CCDC124: variants seen among roughly 807,000 people sequenced by gnomAD.
The protein encoded by CCDC124 is coiled-coil domain containing 124, also known as coiled-coil domain-containing protein 124.
Under a neutral mutation model 19.8 loss-of-function variants are expected in CCDC124, and 9 were observed. The ratio of observed to expected loss-of-function variants is 0.45; its 90% CI spans 0.27 to 0.79. CCDC124 has a LOEUF of 0.79. Among genes scored for constraint, CCDC124 ranks in the 30% least tolerant of loss-of-function variants. The pLI is 0.14. For missense variants in CCDC124, 285 were observed against 319.0 expected, an observed-to-expected ratio of 0.89 and a Z score of 0.81; for synonymous variants, 126 against 131.3, an observed-to-expected ratio of 0.96 and a Z score of 0.27.
Position 17,942,427 on chromosome 19 carries a change from G to A in CCDC124, c.160-229G>A, listed in dbSNP as rs940229235. Among the ~76,000 whole-genome samples the A allele has an allele frequency of 2.6e-5, 4 of 152,294 alleles. No homozygotes were observed. In the East Asian group the frequency reaches 5.8e-4, roughly 22 times the overall value. ...CCTTGGCCGGCGCTCTTCGCACCTAGGAGCGTCACTTCTTCAAGAGCCACC... is the reference window on the plus strand; with the variant it reads ...CCTTGGCCGGCGCTCTTCGCACCTAAGAGCGTCACTTCTTCAAGAGCCACC... On this transcript the variant is annotated intron_variant, in intron 2 of 4. Coordinates refer to ENST00000445755, the MANE Select transcript of CCDC124 (RefSeq NM_001136203.2). The surrounding 1 kb of genome is among the most constrained non-coding windows in gnomAD (Gnocchi z 4.2).
At position 17,936,420 on chromosome 19, in the gene CCDC124, G is replaced by A; in HGVS notation, c.-1G>A. 6.2e-7 allele frequency: 1 copy of A among 1,610,120 alleles called. No individual in the cohort carries two copies. Among genetic ancestry groups the A allele is most frequent in the Non-Finnish European group, 8.5e-7 (1 of 1,177,180 alleles). On this transcript the variant is annotated 5_prime_UTR_variant, in exon 2 of 5. Transcript: ENST00000445755. Reference sequence around the variant, plus strand: ...ATCCTCTTCCCGCAGCCTGCTGAGGGATGCCCAAGAAGTTCCAGGGTGAGA... The same window carrying A: ...ATCCTCTTCCCGCAGCCTGCTGAGGAATGCCCAAGAAGTTCCAGGGTGAGA...
Position 17,943,241 on chromosome 19 carries a change from T to TCGGGGCGC in CCDC124, c.350-19_350-18insGGGGCGCC. 1.4e-6 allele frequency: 1 copy of TCGGGGCGC among 736,678 alleles called. No homozygotes were observed. The highest frequency in any genetic ancestry group is 2.4e-6 in the Non-Finnish European group (1 of 414,970). 45.6% of individuals were successfully genotyped at this position (736,678 alleles called of 1,614,324 possible). ...CTTTGCTTATCTCTCTCTGTCTCTG[T>TCGGGGCGC]CACCCACCCACCCGCCCAGCCGAGA... is the stretch of plus-strand genomic sequence containing the variant. On this transcript the variant is annotated intron_variant, in intron 3 of 4. Transcript: ENST00000445755.
rs779625217 is a variant in CCDC124 at position 17,943,724 on chromosome 19, C to T, written c.*9C>T. On this transcript the variant is annotated 3_prime_UTR_variant, in exon 5 of 5. Transcript: ENST00000445755. Reference sequence around the variant, plus strand: ...TCAATGCCCCCAAGTGAGCCCAGAACTTGGGGAGCCAGTTCACCCACGGGT... The same window carrying T: ...TCAATGCCCCCAAGTGAGCCCAGAATTTGGGGAGCCAGTTCACCCACGGGT... 5.0e-6 allele frequency: 8 copies of T among 1,611,058 alleles called. No individual in the cohort carries two copies. The East Asian group carries it at 1.8e-4, about 36-fold the overall frequency.
intron 2 of CCDC124, among the ~76,000 whole-genome samples, chr19:17,939,942 A>T (rs1568438720): frequency 1.2e-5 from 1 of 85,144 alleles, no homozygotes; most frequent in Non-Finnish European, 2.3e-5. Context: ...TTTTTTTTAG[A>T]CAGTCTCTGT....
At position 17,943,933 on chromosome 19, in the gene CCDC124, G is replaced by A. The variant is rs2031252473; in HGVS notation, c.*218G>A. ...TCCCATCCCCCGGCGCGTGTGTGTA[G>A]AGCCTCAGGGCTGAGTGCCCAATAA... On this transcript the variant is annotated 3_prime_UTR_variant, in exon 5 of 5. Coordinates refer to ENST00000445755, the MANE Select transcript of CCDC124 (RefSeq NM_001136203.2). 3.4e-6 allele frequency: 2 copies of A among 593,256 alleles called. No homozygotes were observed. Among genetic ancestry groups the A allele is most frequent in the Admixed American group, 5.9e-5 (2 of 33,620 alleles). 36.7% of individuals were successfully genotyped at this position (593,256 alleles called of 1,614,324 possible). A position where few individuals can be genotyped will look rare whatever the true frequency, so the allele number is the denominator to read the frequency against.
chr19:17,942,809 C>T lies in CCDC124; in HGVS notation c.313C>T (p.Arg105Cys). The T allele has an allele frequency of 1.3e-6, 2 of 1,536,844 alleles. No individual in the cohort carries two copies. The highest frequency in any genetic ancestry group is 1.8e-6 in the Non-Finnish European group (2 of 1,141,692). The change falls in exon 3 of 5, where the codon CGC becomes TGC. Residue 105 changes from arginine (R) to cysteine (C), a missense_variant. Arg to Cys is a radical substitution (Grantham distance 180, BLOSUM62 -3). Coordinates refer to ENST00000445755, the MANE Select transcript of CCDC124 (RefSeq NM_001136203.2). This position sits in a 1 kb window ranked among gnomAD's most constrained non-coding sequence, Gnocchi z 4.2. ...VTRAQIEDTL[R>C]RDHQLREAPD... ...CCGGGCCCAGATCGAGGACACGCTG[C>T]GCCGAGACCATCAGCTCAGGGAGGC... is the stretch of plus-strand genomic sequence containing the variant.
chr19:17,934,687 G>T (rs1313716395), intron 1 of CCDC124, among the ~76,000 whole-genome samples: 5 of 150,920 alleles, frequency 3.3e-5, no homozygotes. Flanking sequence ...GGAGGCTCAG[G>T]TGGGAGGATC....
intron 1 of CCDC124, among the ~76,000 whole-genome samples, chr19:17,935,344 G>A (rs935103120): frequency 6.6e-6 from 1 of 152,122 alleles, no homozygotes; most frequent in African/African-American, 2.4e-5. Flanking sequence ...GGCCTCTTTT[G>A]GGGGGTGCAA....
In CCDC124 at chr19:17,943,734, C is replaced by G. The variant is rs369304219; in HGVS notation, c.*19C>G. On this transcript the variant is annotated 3_prime_UTR_variant, in exon 5 of 5. Coordinates refer to ENST00000445755, the MANE Select transcript of CCDC124 (RefSeq NM_001136203.2). ...CAAGTGAGCCCAGAACTTGGGGAGC[C>G]AGTTCACCCACGGGTGGTCCAGGTC... 8.7e-6 allele frequency: 14 copies of G among 1,608,494 alleles called. No individual in the cohort carries two copies. The highest frequency in any genetic ancestry group is 1.2e-5 in the Non-Finnish European group (14 of 1,177,396).
rs758572228 is a variant in CCDC124, at chr19:17,943,352, C to G, written c.441C>G (p.Ile147Met). Residue 147 changes from isoleucine (I) to methionine (M), a missense_variant, in exon 4 of 5, where the codon ATC becomes ATG. Transcript: ENST00000445755. ...AGGGCAGCGTGGAGGCGCGCACCAT[C>G]GAGGACGCCATTGCAGTGCTCAGGT... ...LEEGSVEART[I>M]EDAIAVLSVA... 6.3e-7 allele frequency: 1 copy of G among 1,588,172 alleles called. No individual in the cohort carries two copies. The highest frequency in any genetic ancestry group is 1.1e-5 in the South Asian group (1 of 87,534).
At chr19:17,939,696 C>T (rs2031136251) in intron 2 of CCDC124, among the ~76,000 whole-genome samples, 1 of 151,918 alleles carries the variant, frequency 6.6e-6, no homozygotes, top group South Asian at 2.1e-4. Context: ...GACCTCGGCT[C>T]ACTGCAACCT....
intron 1 of CCDC124, chr19:17,934,998 C>T (rs891422994): frequency 2.6e-5 from 4 of 151,952 alleles, no homozygotes; most frequent in African/African-American, 9.7e-5. Context: ...TCACTGTGGC[C>T]TCAGCCTCCT....
intron 1 of CCDC124, among the ~76,000 whole-genome samples, chr19:17,933,320 G>A (rs2147776836): frequency 6.6e-6 from 1 of 152,332 alleles, no homozygotes; most frequent in East Asian, 1.9e-4. Context: ...ACAGAGTTGG[G>A]CGCGGACTCC....
At chr19:17,935,801 T>A (rs1298307249) in intron 1 of CCDC124, among the ~76,000 whole-genome samples, 2 of 152,238 alleles carry the variant, frequency 1.3e-5, no homozygotes, top group African/African-American at 4.8e-5. Context: ...TAGACTGGTT[T>A]TGAACTCCTG....
At position 17,943,805 on chromosome 19, in the gene CCDC124, A is replaced by C; in HGVS notation, c.*90A>C. 1 of 1,341,588 alleles carries C rather than the reference A, an allele frequency of 7.5e-7. No homozygotes were observed. Among genetic ancestry groups the C allele is most frequent in the Non-Finnish European group, 1.0e-6 (1 of 965,004 alleles). 83.1% of individuals were successfully genotyped at this position (1,341,588 alleles called of 1,614,324 possible). A position where few individuals can be genotyped will look rare whatever the true frequency, so the allele number is the denominator to read the frequency against. ...GCCAGGTCAGCTGCGAGGGTCACAG[A>C]GCGTTCCGGGGGCCAAGGCGCCGGG... On this transcript the variant is annotated 3_prime_UTR_variant, in exon 5 of 5. Coordinates refer to ENST00000445755, the MANE Select transcript of CCDC124 (RefSeq NM_001136203.2).
rs1483133100 is a variant in CCDC124 at position 17,943,483 on chromosome 19, C to T, written c.465-25C>T. The stretch of plus-strand genomic sequence containing the variant: ...TCGGGGCAAGGCTGCGCCCAAGGCC[C>T]CCTGACGCTCATGTCCACCCCCAGC... On this transcript the variant is annotated intron_variant, in intron 4 of 4. Coordinates refer to ENST00000445755, the MANE Select transcript of CCDC124 (RefSeq NM_001136203.2). The T allele has an allele frequency of 3.7e-6, 6 of 1,604,348 alleles. No homozygotes were observed. In the East Asian group the frequency reaches 8.9e-5, roughly 24 times the overall value.
chr19:17,942,705 CG>C lies in CCDC124; in HGVS notation c.210del (p.Gln71SerfsTer62). On this transcript the variant is annotated frameshift_variant, in exon 3 of 5. Transcript: ENST00000445755. LOFTEE classifies it high-confidence loss of function. The surrounding 1 kb of genome is among the most constrained non-coding windows in gnomAD (Gnocchi z 4.2). The part of the protein sequence containing the change: ...RLDQLERKKE[T>X]QRLLEEEDSK... Reference sequence around the variant, plus strand: ...GACCAGCTGGAACGTAAGAAGGAGACGCAGCGCCTACTGGAGGAGGAGGACT... The same window carrying C: ...GACCAGCTGGAACGTAAGAAGGAGACCAGCGCCTACTGGAGGAGGAGGACT... The C allele has an allele frequency of 6.4e-7, 1 of 1,554,878 alleles. No individual in the cohort carries two copies. The highest frequency in any genetic ancestry group is 8.7e-7 in the Non-Finnish European group (1 of 1,149,262).
At position 17,942,892 on chromosome 19, in the gene CCDC124, G is replaced by T; in HGVS notation, c.349+47G>T. ...GAGCTGCACTTTTGCCCACTGCAGA[G>T]GCAGTGGACCTTGAGTCCATTAGCC... On this transcript the variant is annotated intron_variant, in intron 3 of 4. Transcript: ENST00000445755. The surrounding 1 kb of genome is among the most constrained non-coding windows in gnomAD (Gnocchi z 4.2). The T allele has an allele frequency of 6.9e-7, 1 of 1,457,952 alleles. No homozygotes were observed. Among genetic ancestry groups the T allele is most frequent in the South Asian group, 1.5e-5 (1 of 68,944 alleles). 90.3% of individuals were successfully genotyped at this position (1,457,952 alleles called of 1,614,324 possible).
At chr19:17,941,705 T>TG (rs1187402865) in intron 2 of CCDC124, among the ~76,000 whole-genome samples, 1 of 151,590 alleles carries the variant, frequency 6.6e-6, no homozygotes, top group Non-Finnish European at 1.5e-5. Flanking sequence ...CTGGTGGGGG[T>TG]GGGGGTCAGG....
Sources: gnomAD v4.1 joint callset for allele counts (sites outside exome capture counted in the v4.1 genomes callset) on GRCh38, gnomAD v4.1.1 for gene constraint, Gnocchi (gnomAD v3.1) non-coding constraint, MANE v1.5 for transcripts, NCBI Gene and HGNC (gene_info 2026-07-23, HGNC 2026-07-21) for gene names.